Variants in CDH18 observed in about 807,000 individuals in gnomAD.
The protein encoded by CDH18 is cadherin-18.
CDH18 carries 31 observed loss-of-function variants against 67.9 expected under a neutral mutation model. That is an observed-to-expected ratio of 0.46 (90% confidence interval 0.34 to 0.62). The LOEUF (loss-of-function observed/expected upper bound fraction) is 0.62. Among genes scored for constraint, CDH18 ranks in the 20% least tolerant of loss-of-function variants. CDH18 has a pLI of 0.01. For missense variants in CDH18, 890 were observed against 975.5 expected, an observed-to-expected ratio of 0.91 and a Z score of 1.17; for synonymous variants, 362 against 347.2, an observed-to-expected ratio of 1.04 and a Z score of -0.48.
At chr5:19,756,926 T>C (rs1771683052) in intron 3 of CDH18, among the ~76,000 whole-genome samples, 2 of 152,330 alleles carry the variant, frequency 1.3e-5, no homozygotes, top group African/African-American at 2.4e-5. Flanking sequence ...ATATAGCGGA[T>C]GCTGATTCAG....
chr5:19,964,245 T>C (rs1797205164), intron 2 of CDH18, among the ~76,000 whole-genome samples: 1 of 152,028 alleles, frequency 6.6e-6, no homozygotes, highest in Non-Finnish European at 1.5e-5. Flanking sequence ...ACATGAGTTG[T>C]TAATGACTGC....
chr5:20,049,083 G>T (rs1741169368), intron 2 of CDH18, among the ~76,000 whole-genome samples: 1 of 151,586 alleles, frequency 6.6e-6, no homozygotes, highest in Admixed American at 6.6e-5. Flanking sequence ...GTATAAGCTG[G>T]TAATCATCAA....
chr5:20,505,986 G>A (rs986246146), intron 1 of CDH18, among the ~76,000 whole-genome samples: 1 of 152,068 alleles, frequency 6.6e-6, no homozygotes, highest in Non-Finnish European at 1.5e-5. Flanking sequence ...TGTAACCTAT[G>A]ATCTAGAGAA....
At chr5:19,792,471 C>T (rs1267992013) in intron 3 of CDH18, among the ~76,000 whole-genome samples, 1 of 152,136 alleles carries the variant, frequency 6.6e-6, no homozygotes, top group African/African-American at 2.4e-5. Context: ...CTTGGTTCTC[C>T]AGCCTGCAGA....
chr5:20,003,268 C>T (rs1736593798), intron 2 of CDH18, among the ~76,000 whole-genome samples: 1 of 152,030 alleles, frequency 6.6e-6, no homozygotes, highest in South Asian at 2.1e-4. Context: ...AAAATTGCAA[C>T]ATATATAAAT....
intron 5 of CDH18, among the ~76,000 whole-genome samples, chr5:19,638,821 C>T (rs897228562): frequency 6.6e-6 from 1 of 151,972 alleles, no homozygotes; most frequent in Admixed American, 6.6e-5. Context: ...TCCCATCACA[C>T]AGCTCAATGC....
At chr5:19,925,332 C>A (rs1187668971) in intron 2 of CDH18, among the ~76,000 whole-genome samples, 1 of 152,130 alleles carries the variant, frequency 6.6e-6, no homozygotes, top group Non-Finnish European at 1.5e-5. Flanking sequence ...ATTAGTGGCA[C>A]TCCCTGTGGG....
intron 3 of CDH18, among the ~76,000 whole-genome samples, chr5:19,796,483 G>C (rs1441520978): frequency 6.6e-6 from 1 of 152,054 alleles, no homozygotes; most frequent in Admixed American, 6.6e-5. Context: ...TGGCAGAAAT[G>C]CTCTTCAAGA....
chr5:19,641,450 C>T (rs1258668079), intron 5 of CDH18, among the ~76,000 whole-genome samples: 2 of 151,872 alleles, frequency 1.3e-5, no homozygotes, highest in Non-Finnish European at 2.9e-5. Flanking sequence ...TAATAAAATG[C>T]TATAAAAAGT....
intron 2 of CDH18, among the ~76,000 whole-genome samples, chr5:20,038,638 C>A (rs1740116163): frequency 6.6e-6 from 1 of 152,132 alleles, no homozygotes; most frequent in African/African-American, 2.4e-5. Context: ...CAATAAAATT[C>A]AACACCCCTT....
chr5:19,549,040 C>A (rs917197530), intron 8 of CDH18, among the ~76,000 whole-genome samples: 1 of 151,986 alleles, frequency 6.6e-6, no homozygotes, highest in African/African-American at 2.4e-5. Context: ...AACTACTGTG[C>A]CTGGCCAGCT....
intron 1 of CDH18, among the ~76,000 whole-genome samples, chr5:20,552,916 G>A (rs369304940): frequency 2.0e-4 from 30 of 151,976 alleles, no homozygotes; most frequent in African/African-American, 5.1e-4. Context: ...CATCATGCAC[G>A]GCTAATTTTT....
At chr5:20,213,317 A>G (rs1395976358) in intron 2 of CDH18, among the ~76,000 whole-genome samples, 1 of 152,110 alleles carries the variant, frequency 6.6e-6, no homozygotes, top group Admixed American at 6.6e-5. Flanking sequence ...TGGTCTCTCA[A>G]AACAACTGCA....
chr5:19,766,219 G>A (rs1407156077), intron 3 of CDH18, among the ~76,000 whole-genome samples: 3 of 152,146 alleles, frequency 2.0e-5, no homozygotes, highest in Non-Finnish European at 2.9e-5. Flanking sequence ...ATTCACTTAC[G>A]AGTCTGAACT....
At chr5:19,842,416 A>C (rs1782437103) in intron 2 of CDH18, among the ~76,000 whole-genome samples, 1 of 152,108 alleles carries the variant, frequency 6.6e-6, no homozygotes, top group South Asian at 2.1e-4. Context: ...ACGGTTTTAT[A>C]AGGGGCTCTT....
intron 2 of CDH18, among the ~76,000 whole-genome samples, chr5:19,966,665 G>A (rs1797468095): frequency 6.6e-6 from 1 of 151,964 alleles, no homozygotes; most frequent in South Asian, 2.1e-4. Flanking sequence ...TCAGCTCAAA[G>A]CCTGTTTTTT....
intron 1 of CDH18, among the ~76,000 whole-genome samples, chr5:20,457,017 A>C (rs1750881602): frequency 6.6e-6 from 1 of 152,196 alleles, no homozygotes; most frequent in Admixed American, 6.5e-5. Flanking sequence ...ATACATTTGT[A>C]ATGTTTTAAG....
intron 2 of CDH18, among the ~76,000 whole-genome samples, chr5:20,006,707 T>C (rs1208807523): frequency 2.0e-5 from 3 of 152,034 alleles, no homozygotes; most frequent in African/African-American, 7.2e-5. Context: ...AAAGATATAA[T>C]GTTGTTTTAA....
At chr5:19,843,334 C>T (rs1018208292) in intron 2 of CDH18, among the ~76,000 whole-genome samples, 2 of 152,210 alleles carry the variant, frequency 1.3e-5, no homozygotes, top group African/African-American at 4.8e-5. Flanking sequence ...CAGCTTGTTG[C>T]TTCAGAGGGT....
Sources: gnomAD v4.1 joint callset for allele counts (sites outside exome capture counted in the v4.1 genomes callset) on GRCh38, gnomAD v4.1.1 for gene constraint, MANE v1.5 for transcripts, NCBI Gene and HGNC (gene_info 2026-07-23, HGNC 2026-07-21) for gene names.